MAX: variants seen among roughly 807,000 people sequenced by gnomAD.
The protein encoded by MAX is MYC associated transcriptional regulator X, also known as protein max.
MAX carries 3 observed loss-of-function variants against 22.3 expected under a neutral mutation model. The observed-to-expected ratio is 0.13, with a 90% CI of 0.06 to 0.35. The LOEUF is 0.35. MAX is among the 10% of genes least tolerant of loss of function. The pLI is 1.00. For missense variants in MAX, 119 were observed against 209.4 expected, an observed-to-expected ratio of 0.57 and a Z score of 2.66; for synonymous variants, 72 against 77.7, an observed-to-expected ratio of 0.93 and a Z score of 0.39.
chr14:65,019,416 G>A (rs1043059344), intron 3 of MAX, among the ~76,000 whole-genome samples: 1 of 151,586 alleles, frequency 6.6e-6, no homozygotes, highest in Non-Finnish European at 1.5e-5. Context: ...GAATCCGGGA[G>A]GCAGAGGTTG....
At chr14:65,017,473 G>A (rs550731031) in intron 3 of MAX, among the ~76,000 whole-genome samples, 3 of 152,234 alleles carry the variant, frequency 2.0e-5, no homozygotes, top group South Asian at 2.1e-4. Context: ...GGAAGAACTC[G>A]AGCCAAAATC....
At chr14:65,074,760 C>T (rs1467220228), downstream of MAX, among the ~76,000 whole-genome samples, 1 of 152,200 alleles carries the variant, frequency 6.6e-6, no homozygotes, top group Non-Finnish European at 1.5e-5. Flanking sequence ...TCCTGGAGAA[C>T]AGCCACCTCT....
intron 3 of MAX, among the ~76,000 whole-genome samples, chr14:65,059,211 C>T (rs2062808204): frequency 6.6e-6 from 1 of 152,052 alleles, no homozygotes; most frequent in East Asian, 1.9e-4. Context: ...TTTGTAGAGA[C>T]AGGGTTTTGC....
chr14:65,052,595 A>G (rs1394520956), intron 3 of MAX, among the ~76,000 whole-genome samples: 1 of 152,226 alleles, frequency 6.6e-6, no homozygotes, highest in Non-Finnish European at 1.5e-5. Flanking sequence ...CTTCAGAGTG[A>G]AGAAGTCCAG....
At position 65,012,528 on chromosome 14, in the gene MAX, G is replaced by C; in HGVS notation, c.172-6244C>G. 2 of 1,202,250 alleles carry C rather than the reference G, an allele frequency of 1.7e-6. No homozygotes were observed. Among genetic ancestry groups the C allele is most frequent in the Non-Finnish European group, 2.3e-6 (2 of 859,216 alleles). 74.5% of individuals were successfully genotyped at this position (1,202,250 alleles called of 1,614,324 possible). The stretch of plus-strand genomic sequence containing the variant: ...TTCTCTGTGGCTCTGGCAGGAGGTA[G>C]GGTGCTGTCACAGAGCTGGGACTCA... On this transcript the variant is annotated intron_variant, in intron 3 of 3. Coordinates refer to the MAX transcript ENST00000341653. This position sits in a 1 kb window ranked among gnomAD's most constrained non-coding sequence, Gnocchi z 5.0.
intron 3 of MAX, chr14:65,061,504 T>C: frequency 3.8e-6 from 4 of 1,050,628 alleles, no homozygotes; most frequent in Non-Finnish European, 5.2e-6. Flanking sequence ...TTTTAAAAAT[T>C]CTTTCCACAC....
Position 65,075,875 on chromosome 14 carries a change from A to C in MAX, c.*601T>G. ...ACATGCCAGCGACTCTGTGCTGCGAATCTGTCCCCACTTCCTTTTTATACC... is the reference window on the plus strand; with the variant it reads ...ACATGCCAGCGACTCTGTGCTGCGACTCTGTCCCCACTTCCTTTTTATACC... On this transcript the variant is annotated 3_prime_UTR_variant, in exon 5 of 5. Transcript: ENST00000358664. This position sits in a 1 kb window ranked among gnomAD's most constrained non-coding sequence, Gnocchi z 4.1. The C allele has an allele frequency of 9.4e-7, 1 of 1,067,756 alleles. No homozygotes were observed. The highest frequency in any genetic ancestry group is 1.1e-6 in the Non-Finnish European group (1 of 880,768). The allele number at this position is 1,067,756 out of a possible 1,614,324, so 66.1% of individuals were successfully genotyped here.
downstream of MAX, among the ~76,000 whole-genome samples, chr14:65,070,179 T>A (rs555054924): frequency 6.6e-6 from 1 of 152,346 alleles, no homozygotes; most frequent in South Asian, 2.1e-4. The surrounding 1 kb of genome is among the most constrained non-coding windows in gnomAD (Gnocchi z 4.4). Context: ...ACTCCTGGGT[T>A]CCTGCAGAAG....
In MAX at chr14:65,077,560, T is replaced by C. The variant is rs573050065; in HGVS notation, c.295+353A>G. 4 of 922,398 alleles carry C rather than the reference T, an allele frequency of 4.3e-6. No homozygotes were observed. The African/African-American group carries it at 4.9e-5, about 11-fold the overall frequency. 57.1% of individuals were successfully genotyped at this position (922,398 alleles called of 1,614,324 possible). ...CTGAACACCTGGAGTCTCTGGTACTTACACAGCACATTCCACTCCAAGGAC... is the reference window on the plus strand; with the variant it reads ...CTGAACACCTGGAGTCTCTGGTACTCACACAGCACATTCCACTCCAAGGAC... On this transcript the variant is annotated intron_variant, in intron 4 of 4. Coordinates refer to ENST00000358664, the MANE Select transcript of MAX (RefSeq NM_002382.5). This position sits in a 1 kb window ranked among gnomAD's most constrained non-coding sequence, Gnocchi z 6.3.
chr14:65,053,331 T>C, intron 3 of MAX: 1 of 1,445,780 alleles, frequency 6.9e-7, no homozygotes, highest in Non-Finnish European at 9.1e-7. Flanking sequence ...GCGGGGGGGC[T>C]TCTGGATAAA....
At chr14:65,071,709 C>A (rs1259507188), downstream of MAX, among the ~76,000 whole-genome samples, 3 of 152,214 alleles carry the variant, frequency 2.0e-5, no homozygotes, top group African/African-American at 7.2e-5. The surrounding 1 kb of genome is among the most constrained non-coding windows in gnomAD (Gnocchi z 4.2). Flanking sequence ...AGCCCCTAGC[C>A]CTACCCGCTC....
At chr14:65,071,945 T>C (rs2062991613), downstream of MAX, among the ~76,000 whole-genome samples, 1 of 152,220 alleles carries the variant, frequency 6.6e-6, no homozygotes, top group Non-Finnish European at 1.5e-5. This position sits in a 1 kb window ranked among gnomAD's most constrained non-coding sequence, Gnocchi z 4.2. Flanking sequence ...TATTTTTTAT[T>C]CCCTTCCCAA....
Position 65,027,741 on chromosome 14 carries a change from G to A in MAX, c.172-21457C>T, listed in dbSNP as rs747278183. 2.5e-6 allele frequency: 4 copies of A among 1,614,154 alleles called. No individual in the cohort carries two copies. The Admixed American group carries it at 5.0e-5, about 20-fold the overall frequency. On this transcript the variant is annotated intron_variant, in intron 3 of 3. Transcript: ENST00000341653. The surrounding 1 kb of genome is among the most constrained non-coding windows in gnomAD (Gnocchi z 5.7). ...TTTGTACTCCCTGAAGCAACCTGAC[G>A]GCTCCTTTCTCATGCATGTCGGAGG...
downstream of MAX, among the ~76,000 whole-genome samples, chr14:65,072,945 G>C (rs2063004597): frequency 6.6e-6 from 1 of 152,208 alleles, no homozygotes; most frequent in African/African-American, 2.4e-5. Context: ...AAGCATTTGT[G>C]ATATACCAAG....
chr14:65,072,689 G>A (rs1401476205), downstream of MAX, among the ~76,000 whole-genome samples: 2 of 152,204 alleles, frequency 1.3e-5, no homozygotes, highest in African/African-American at 4.8e-5. Flanking sequence ...CCCACTTTGA[G>A]TAACACCACA....
At chr14:65,101,149 C>T (rs1310690759) in intron 2 of MAX, among the ~76,000 whole-genome samples, 1 of 152,206 alleles carries the variant, frequency 6.6e-6, no homozygotes, top group Non-Finnish European at 1.5e-5. Context: ...CAGCTTCACA[C>T]AATTATACAG....
intron 3 of MAX, among the ~76,000 whole-genome samples, chr14:65,013,566 A>G (rs546080748): frequency 1.3e-5 from 2 of 152,276 alleles, no homozygotes; most frequent in Admixed American, 1.3e-4. Flanking sequence ...CTCATAATTT[A>G]TGAGATGGAG....
intron 3 of MAX, among the ~76,000 whole-genome samples, chr14:65,033,861 A>C (rs575047142): frequency 1.4e-4 from 22 of 152,362 alleles, no homozygotes; most frequent in African/African-American, 5.1e-4. Context: ...CATCTCAAAA[A>C]AAGAAGCAAA....
intron 3 of MAX, among the ~76,000 whole-genome samples, chr14:65,048,620 A>G (rs2062539824): frequency 6.6e-6 from 1 of 152,216 alleles, no homozygotes; most frequent in African/African-American, 2.4e-5. Flanking sequence ...TGGGAGGCCA[A>G]AGCAGGAGGA....
Sources: gnomAD v4.1 joint callset for allele counts (sites outside exome capture counted in the v4.1 genomes callset) on GRCh38, gnomAD v4.1.1 for gene constraint, Gnocchi (gnomAD v3.1) non-coding constraint, MANE v1.5 for transcripts, NCBI Gene and HGNC (gene_info 2026-07-23, HGNC 2026-07-21) for gene names.